The following HHAT variants were observed in gnomAD, a reference collection of about 807,000 sequenced individuals.
HHAT encodes the protein hedgehog acyltransferase, also known as protein-cysteine N-palmitoyltransferase HHAT.
Under a neutral mutation model 70.8 loss-of-function variants are expected in HHAT, and 47 were observed. The ratio of observed to expected loss-of-function variants is 0.66; its 90% CI spans 0.53 to 0.85. The LOEUF (loss-of-function observed/expected upper bound fraction) is 0.85, where lower values mean the gene tolerates loss of function less well. Among genes scored for constraint, HHAT ranks in the 40% least tolerant of loss-of-function variants. The probability of loss-of-function intolerance (pLI) is 0.00; values close to 1 mark genes in which losing one functional copy is unlikely to be tolerated. For synonymous variants in HHAT, 228 were observed against 247.6 expected (o/e 0.92, Z 0.74); for missense variants, 609 against 604.8 (o/e 1.01, Z -0.07).
At chr1:210,615,032 T>C (rs1362814703) in intron 10 of HHAT, among the ~76,000 whole-genome samples, 1 of 152,222 alleles carries the variant, frequency 6.6e-6, no homozygotes, top group Non-Finnish European at 1.5e-5. Flanking sequence ...CCACCAACAG[T>C]GTAATAGTGT....
intron 4 of HHAT, among the ~76,000 whole-genome samples, chr1:210,398,649 T>C (rs772010095): frequency 3.7e-4 from 57 of 152,318 alleles, no homozygotes; most frequent in Admixed American, 1.4e-3. Flanking sequence ...CAAATAGCAC[T>C]TAATAAAAAC....
At chr1:210,622,585 T>G (rs1224859002) in intron 10 of HHAT, among the ~76,000 whole-genome samples, 1 of 152,202 alleles carries the variant, frequency 6.6e-6, no homozygotes, top group Non-Finnish European at 1.5e-5. Flanking sequence ...GAATTCTTTA[T>G]TGTGATGCTG....
intron 9 of HHAT, among the ~76,000 whole-genome samples, chr1:210,552,318 G>C (rs2148685649): frequency 6.6e-6 from 1 of 152,270 alleles, no homozygotes; most frequent in South Asian, 2.1e-4. Flanking sequence ...TCAGTGCTTT[G>C]CTTGTTTAAA....
chr1:210,335,485 T>C (rs1203838871), intron 1 of HHAT, among the ~76,000 whole-genome samples: 1 of 152,150 alleles, frequency 6.6e-6, no homozygotes, highest in Non-Finnish European at 1.5e-5. Flanking sequence ...GGAAATTTAT[T>C]TGGAAATTCT....
At chr1:210,424,994 A>G (rs1199773084) in intron 7 of HHAT, among the ~76,000 whole-genome samples, 2 of 152,286 alleles carry the variant, frequency 1.3e-5, no homozygotes, top group East Asian at 3.9e-4. Flanking sequence ...TTTTCTCCAC[A>G]ACCTGGCCAG....
intron 7 of HHAT, among the ~76,000 whole-genome samples, chr1:210,439,236 A>C (rs1455204950): frequency 6.6e-6 from 1 of 151,752 alleles, no homozygotes; most frequent in East Asian, 1.9e-4. Context: ...CAGTGAAGGG[A>C]GTGTCTTCTG....
intron 7 of HHAT, among the ~76,000 whole-genome samples, chr1:210,452,783 GTA>G (rs2093780879): frequency 6.6e-6 from 1 of 152,188 alleles, no homozygotes; most frequent in Non-Finnish European, 1.5e-5. Flanking sequence ...GTAAATCCAG[GTA>G]TATGAGTTTA....
In HHAT at chr1:210,519,719, G is replaced by A. The variant is rs1038861774; in HGVS notation, c.1043+6531G>A. 4.9e-4 allele frequency among the ~76,000 whole-genome samples: 75 copies of A among 151,614 alleles called. 5 individuals are homozygous for A. The highest frequency in any genetic ancestry group is 4.4e-5 in the Non-Finnish European group (3 of 67,910). ...TTTTTTTGTTTTTTGGTAGAGACAA[G>A]GTCCTACTGTGTTGTCCAGGCTGCT... On this transcript the variant is annotated intron_variant, in intron 9 of 11. Coordinates refer to ENST00000261458, the MANE Select transcript of HHAT (RefSeq NM_018194.6).
At chr1:210,469,752 T>C (rs2094167871) in intron 8 of HHAT, among the ~76,000 whole-genome samples, 1 of 152,150 alleles carries the variant, frequency 6.6e-6, no homozygotes, top group Non-Finnish European at 1.5e-5. Context: ...CATAGTGGCC[T>C]CTACCTCCTG....
intron 11 of HHAT, among the ~76,000 whole-genome samples, chr1:210,670,773 A>G (rs1679920665): frequency 6.6e-6 from 1 of 152,204 alleles, no homozygotes; most frequent in East Asian, 1.9e-4. Context: ...GTGGTCCTAT[A>G]TTAATCTTTT....
chr1:210,458,301 CTTTCA>C (rs1296407977), intron 7 of HHAT, among the ~76,000 whole-genome samples: 5 of 152,164 alleles, frequency 3.3e-5, no homozygotes, highest in Admixed American at 6.5e-5. Context: ...TGCATTCATT[CTTTCA>C]TTCCATTCAT....
chr1:210,335,709 T>C (rs1482341849), intron 1 of HHAT, among the ~76,000 whole-genome samples: 2 of 152,230 alleles, frequency 1.3e-5, no homozygotes, highest in South Asian at 2.1e-4. Flanking sequence ...ACTGGGTCGA[T>C]TGACTATCCA....
chr1:210,647,762 T>C (rs1674368236), intron 11 of HHAT, among the ~76,000 whole-genome samples: 2 of 152,230 alleles, frequency 1.3e-5, no homozygotes, highest in Admixed American at 1.3e-4. Flanking sequence ...TCAGAAACAA[T>C]TATTGAACAT....
chr1:210,389,562 C>T (rs573777745), intron 4 of HHAT, among the ~76,000 whole-genome samples: 79 of 152,280 alleles, frequency 5.2e-4, no homozygotes, highest in African/African-American at 1.8e-3. Flanking sequence ...TATGAGATCT[C>T]GTTGTTTGAA....
intron 2 of HHAT, among the ~76,000 whole-genome samples, chr1:210,357,747 G>A (rs2087802238): frequency 1.3e-5 from 2 of 152,326 alleles, no homozygotes; most frequent in Admixed American, 1.3e-4. Flanking sequence ...GTGAACCCGG[G>A]AGGTGGAGCT....
At chr1:210,668,899 C>T (rs1679489965) in intron 11 of HHAT, among the ~76,000 whole-genome samples, 1 of 152,082 alleles carries the variant, frequency 6.6e-6, no homozygotes, top group African/African-American at 2.4e-5. Context: ...TCAGCGTCCC[C>T]AGTAGCTGGG....
At chr1:210,418,436 C>T (rs1345162047) in intron 7 of HHAT, 111 bp downstream of exon 7, 5 of 925,804 alleles carry the variant, frequency 5.4e-6, no homozygotes, top group Non-Finnish European at 8.0e-6. Flanking sequence ...ATAGCAAACC[C>T]TCTTTATTAT....
intron 8 of HHAT, among the ~76,000 whole-genome samples, chr1:210,497,953 G>T (rs1472866124): frequency 6.6e-6 from 1 of 151,652 alleles, no homozygotes; most frequent in African/African-American, 2.4e-5. Context: ...TTTAGTAGAG[G>T]CTAATGTTGG....
chr1:210,470,278 C>A lies in HHAT; in HGVS notation c.1007+5623C>A, dbSNP rs765085241. Among the ~76,000 whole-genome samples, 47 of 152,224 alleles carry A rather than the reference C, an allele frequency of 3.1e-4. No individual in the cohort carries two copies. The Middle Eastern group carries it at 0.01, about 33-fold the overall frequency. ...GATTTCAAATTAGACGCATGGGAGT[C>A]CCCTGAATCTGCCCCAGTATGACCT... On this transcript the variant is annotated intron_variant, in intron 8 of 11. Coordinates refer to ENST00000261458, the MANE Select transcript of HHAT (RefSeq NM_018194.6).
Sources: allele counts gnomAD v4.1 joint callset (sites outside exome capture counted in the v4.1 genomes callset), GRCh38; gene constraint gnomAD v4.1.1; transcripts MANE v1.5; gene names NCBI Gene and HGNC (gene_info 2026-07-23, HGNC 2026-07-21).